The following PCDHA2 variants were observed in gnomAD, a reference collection of about 807,000 sequenced individuals.
The protein encoded by PCDHA2 is protocadherin alpha-2.
Under a neutral mutation model 66.0 loss-of-function variants are expected in PCDHA2, and 58 were observed. The ratio of observed to expected loss-of-function variants is 0.88; its 90% CI spans 0.71 to 1.09. The LOEUF (loss-of-function observed/expected upper bound fraction) is 1.09. Among genes scored for constraint, PCDHA2 ranks in the 50% least tolerant of loss-of-function variants. The pLI is 0.00. For missense variants in PCDHA2, 1,267 were observed against 1,242.3 expected (o/e 1.02, Z -0.30); for synonymous variants, 634 against 554.0 (o/e 1.14, Z -2.03).
chr5:140,815,149 G>A (rs2126662036), intron 1 of PCDHA2: 1 of 152,118 alleles, frequency 6.6e-6, no homozygotes, highest in South Asian at 2.1e-4. Flanking sequence ...CAACCACTTT[G>A]TATCTTTTGA....
At chr5:140,828,836 G>A (rs1554131583) in intron 1 of PCDHA2, 19 of 1,614,108 alleles carry the variant, frequency 1.2e-5, no homozygotes, top group Non-Finnish European at 1.5e-5. Context: ...TGAATACGAA[G>A]TAAGAATATT....
chr5:140,802,724 G>A (rs1305715476), intron 1 of PCDHA2: 3 of 1,612,466 alleles, frequency 1.9e-6, no homozygotes, highest in South Asian at 1.1e-5. Flanking sequence ...GCTACGTGTC[G>A]GTACACGCGG....
chr5:140,928,012 A>C, intron 1 of PCDHA2: 2 of 1,614,190 alleles, frequency 1.2e-6, no homozygotes, highest in Non-Finnish European at 1.7e-6. Context: ...TTCTAATGGT[A>C]GGGTCATTTG....
chr5:140,809,882 T>G, intron 1 of PCDHA2: 1 of 234,824 alleles, frequency 4.3e-6, no homozygotes, highest in Non-Finnish European at 8.2e-6. Flanking sequence ...ATTTAACCTA[T>G]TACATATAAA....
At position 140,917,079 on chromosome 5, in the gene PCDHA2, A is replaced by G. The variant is rs115825402; in HGVS notation, c.2389-61870A>G. Among the ~76,000 whole-genome samples the G allele has an allele frequency of 8.0e-3, 1,217 of 152,106 alleles. 6 individuals carry two copies. The highest frequency in any genetic ancestry group is 0.019 in the African/African-American group (785 of 41,476). On this transcript the variant is annotated intron_variant, in intron 1 of 3. Coordinates refer to ENST00000526136, the MANE Select transcript of PCDHA2 (RefSeq NM_018905.3). ...GCTACGACAGCACCGAGTTTAATGT[A>G]AAGTTCCCCAGTTGCTGTGCTTTAC... is the stretch of plus-strand genomic sequence containing the variant.
At chr5:140,801,212 G>A (rs782740358) in intron 1 of PCDHA2, 2 of 1,605,828 alleles carry the variant, frequency 1.2e-6, no homozygotes, top group East Asian at 2.2e-5. Flanking sequence ...TGTTCTCCTG[G>A]CGAGAAGATC....
At chr5:140,850,197 C>T (rs2150472731) in intron 1 of PCDHA2, 3 of 1,593,590 alleles carry the variant, frequency 1.9e-6, no homozygotes, top group Admixed American at 1.7e-5. Flanking sequence ...GCTGCTGACA[C>T]CTCGGATGAG....
intron 3 of PCDHA2, among the ~76,000 whole-genome samples, chr5:141,008,824 T>C (rs1042258496): frequency 6.6e-6 from 1 of 152,186 alleles, no homozygotes; most frequent in African/African-American, 2.4e-5. Flanking sequence ...TACAACAGGA[T>C]TCCATCCTCT....
rs1554119483 is a variant in PCDHA2 at position 140,795,540 on chromosome 5, G to T, written c.576G>T (p.Leu192Phe). Residue 192 changes from leucine (L) to phenylalanine (F), a missense_variant, in exon 1 of 4, where the codon TTG becomes TTT. Coordinates refer to ENST00000526136, the MANE Select transcript of PCDHA2 (RefSeq NM_018905.3). ...CAAATGATGAACTAAGCGAATCTTT[G>T]TCTCTCGTGCTGGGGAAATCGCTGG... ...IQANDELSES[L>F]SLVLGKSLDR... 2 of 1,614,106 alleles carry T rather than the reference G, an allele frequency of 1.2e-6. No individual in the cohort carries two copies. Among genetic ancestry groups the T allele is most frequent in the South Asian group, 2.2e-5 (2 of 91,058 alleles).
intron 1 of PCDHA2, among the ~76,000 whole-genome samples, chr5:140,895,581 TTAGA>T (rs1442561424): frequency 6.6e-6 from 1 of 152,216 alleles, no homozygotes; most frequent in Non-Finnish European, 1.5e-5. Flanking sequence ...AATTACTTTA[TTAGA>T]TATATAATTT....
At chr5:140,809,005 G>C in intron 1 of PCDHA2, 2 of 1,613,694 alleles carry the variant, frequency 1.2e-6, no homozygotes. Flanking sequence ...ACAACGCGTG[G>C]CTTTCGTACG....
chr5:140,897,086 T>TA (rs1430532398), intron 1 of PCDHA2, among the ~76,000 whole-genome samples: 12 of 152,178 alleles, frequency 7.9e-5, no homozygotes, highest in Non-Finnish European at 1.6e-4. Flanking sequence ...TTCTATTTTT[T>TA]ATCCTCATTA....
chr5:140,861,466 T>C (rs533343348), intron 1 of PCDHA2: 34 of 493,930 alleles, frequency 6.9e-5, no homozygotes, highest in African/African-American at 6.7e-4. Context: ...GAGGTAAATC[T>C]GCAGAATGGC....
At chr5:140,924,872 G>C (rs1161649938) in intron 1 of PCDHA2, among the ~76,000 whole-genome samples, 1 of 149,350 alleles carries the variant, frequency 6.7e-6, no homozygotes, top group Non-Finnish European at 1.5e-5. Context: ...TCCAGCCTGG[G>C]TGACAGAGCA....
chr5:140,863,288 A>G, intron 1 of PCDHA2: 1 of 1,462,142 alleles, frequency 6.8e-7, no homozygotes, highest in South Asian at 1.1e-5. Context: ...GTCAACGTGT[A>G]CCTGATCATC....
At chr5:140,948,325 C>T (rs1554218520) in intron 1 of PCDHA2, among the ~76,000 whole-genome samples, 1 of 151,476 alleles carries the variant, frequency 6.6e-6, no homozygotes. Flanking sequence ...GTAATGTTTT[C>T]ATTAGGTTTT....
intron 1 of PCDHA2, among the ~76,000 whole-genome samples, chr5:140,897,927 C>T (rs2066407931): frequency 6.6e-6 from 1 of 152,196 alleles, no homozygotes. Context: ...ATTTGCGTTT[C>T]TCTGATGGCC....
chr5:140,947,401 G>A (rs1314695904), intron 1 of PCDHA2, among the ~76,000 whole-genome samples: 1 of 151,652 alleles, frequency 6.6e-6, no homozygotes, highest in Non-Finnish European at 1.5e-5. Flanking sequence ...AAAGTAGACT[G>A]TCTTGATATT....
At chr5:140,869,932 G>A (rs1291685236) in intron 1 of PCDHA2, 45 of 1,611,630 alleles carry the variant, frequency 2.8e-5, no homozygotes, top group Non-Finnish European at 3.5e-5. Context: ...CAATGGAGAG[G>A]TAACATACTC....
Sources: allele counts gnomAD v4.1 joint callset (sites outside exome capture counted in the v4.1 genomes callset), GRCh38; gene constraint gnomAD v4.1.1; transcripts MANE v1.5; gene names NCBI Gene and HGNC (gene_info 2026-07-23, HGNC 2026-07-21).